Variants in RNF126 observed in about 807,000 individuals in gnomAD.
The protein encoded by RNF126 is E3 ubiquitin-protein ligase RNF126.
In RNF126, 20 loss-of-function variants were observed where a neutral mutation model predicts 41.9. The observed-to-expected ratio is 0.48, with a 90% confidence interval of 0.34 to 0.69. RNF126 has a LOEUF of 0.69. RNF126 is among the 30% of genes least tolerant of loss of function. The pLI, the probability that RNF126 is intolerant of heterozygous loss-of-function variation, is 0.01. For missense variants in RNF126, 433 were observed against 460.6 expected (o/e 0.94, Z 0.55); for synonymous variants, 239 against 202.9 (o/e 1.18, Z -1.51).
At position 663,129 on chromosome 19, in the gene RNF126, GCC is replaced by G; in HGVS notation, c.-10_-9del. On this transcript the variant is annotated 5_prime_UTR_variant, in exon 1 of 9. Coordinates refer to ENST00000292363, the MANE Select transcript of RNF126 (RefSeq NM_194460.3). ...CGGCGACGCCTCGGCCATGGCCGCC[GCC>G]ACCTACTCCGCGCCGCCCGCCCCCC... is the stretch of plus-strand genomic sequence containing the variant. The G allele has an allele frequency of 7.9e-7, 1 of 1,260,582 alleles. No individual in the cohort carries two copies. The highest frequency in any genetic ancestry group is 1.0e-6 in the Non-Finnish European group (1 of 995,626). The allele number at this position is 1,260,582 out of a possible 1,614,324, so 78.1% of individuals were successfully genotyped here.
chr19:651,620 G>A lies in RNF126; in HGVS notation c.434C>T (p.Thr145Met), dbSNP rs1003755092. ...RATGRHEGVP[T>M]LEGIIQQLVN... is the part of the protein sequence containing the mutation. ...CCCGGGGCCCCCTCACCCTTCCAGC[G>A]TGGGGACGCCTTCGTGCCGGCCGGT... Residue 145 changes from threonine to methionine, a missense_variant, in exon 4 of 9, where the codon ACG becomes ATG. Coordinates refer to ENST00000292363, the MANE Select transcript of RNF126 (RefSeq NM_194460.3). 8 of 1,441,616 alleles carry A rather than the reference G, an allele frequency of 5.5e-6. No individual in the cohort carries two copies. Among genetic ancestry groups the A allele is most frequent in the African/African-American group, 4.4e-5 (3 of 67,466 alleles). The allele number at this position is 1,441,616 out of a possible 1,614,324, so 89.3% of individuals were successfully genotyped here. A position where few individuals can be genotyped will look rare whatever the true frequency, so the allele number is the denominator to read the frequency against.
intron 1 of RNF126, among the ~76,000 whole-genome samples, chr19:653,418 G>C (rs2030417567): frequency 6.6e-6 from 1 of 152,248 alleles, no homozygotes; most frequent in Non-Finnish European, 1.5e-5. Context: ...TCCCAGAGGA[G>C]ACGTGAGGAC....
rs2144753677 is a variant in RNF126 at position 648,486 on chromosome 19, G to A, written c.672C>T (p.Gly224=). The change falls in exon 8 of 9, where the codon GGC becomes GGT. Residue 224 remains glycine, a splice_region_variant and synonymous_variant. Transcript: ENST00000292363. ...TGCACACAGGGCACTCGAGCCCGGA[G>A]CCTGCGGGAGTGTGCAGCTGCGGTC... The part of the protein sequence containing the change: ...PTVPVTEEHV[G]SGLECPVCKD... 1.3e-6 allele frequency: 2 copies of A among 1,567,106 alleles called. No homozygotes were observed. Among genetic ancestry groups the A allele is most frequent in the Admixed American group, 3.7e-5 (2 of 54,766 alleles).
chr19:651,729 C>G lies in RNF126; in HGVS notation c.325G>C (p.Glu109Gln). ...GGATGGTCTCTCTCCCGCCGGCTCTCAGGGTCCCTGCCGTCGTCAGCCTGC... is the reference window on the plus strand; with the variant it reads ...GGATGGTCTCTCTCCCGCCGGCTCTGAGGGTCCCTGCCGTCGTCAGCCTGC... The part of the protein sequence containing the change: ...GAQADDGRDP[E>Q]SRRERDHPSR... The change falls in exon 4 of 9, where the codon GAG becomes CAG. Residue 109 changes from glutamate to glutamine, a missense_variant. By Grantham distance (29) the Glu-to-Gln change is conservative. This residue lies in a region of RNF126 where 247 missense variants were observed against 224.7 expected (regional missense o/e 1.10). Coordinates refer to ENST00000292363, the MANE Select transcript of RNF126 (RefSeq NM_194460.3). 6.2e-7 allele frequency: 1 copy of G among 1,611,924 alleles called. No homozygotes were observed. Among genetic ancestry groups the G allele is most frequent in the Non-Finnish European group, 8.5e-7 (1 of 1,179,564 alleles).
chr19:648,036 C>T lies in RNF126; in HGVS notation c.*92G>A, dbSNP rs559702759. 54 of 1,387,044 alleles carry T rather than the reference C, an allele frequency of 3.9e-5. 1 individual carries two copies. The East Asian group carries it at 7.8e-4, about 20-fold the overall frequency. The allele number at this position is 1,387,044 out of a possible 1,614,324, so 85.9% of individuals were successfully genotyped here. On this transcript the variant is annotated 3_prime_UTR_variant, in exon 9 of 9. Transcript: ENST00000292363. ...TGCAGCGCTGACCAGCCAAGCGTGG[C>T]GCCGCCGGGGCACCCAGTCTGTGGG...
At chr19:657,232 A>C (rs1008817116) in intron 1 of RNF126, among the ~76,000 whole-genome samples, 4 of 152,206 alleles carry the variant, frequency 2.6e-5, no homozygotes, top group African/African-American at 7.2e-5. Flanking sequence ...GACAAGCACG[A>C]GGCCCTGCAC....
At chr19:652,742 G>T in intron 2 of RNF126, 84 bp downstream of exon 2, 1 of 1,306,668 alleles carries the variant, frequency 7.7e-7, no homozygotes, top group South Asian at 1.2e-5. Flanking sequence ...CACTCGGCGG[G>T]GCGGACGCCA....
chr19:654,881 C>T (rs572921390), intron 1 of RNF126, among the ~76,000 whole-genome samples: 13 of 151,252 alleles, frequency 8.6e-5, no homozygotes, highest in East Asian at 5.9e-4. Flanking sequence ...ACAGGAGAAT[C>T]GCTTGAACCT....
In RNF126 at chr19:652,745, G is replaced by A. The variant is rs183068476; in HGVS notation, c.134+81C>T. 809 of 1,343,992 alleles carry A rather than the reference G, an allele frequency of 6.0e-4. 8 individuals are homozygous for A. The East Asian group carries it at 9.4e-3, about 16-fold the overall frequency. 83.3% of individuals were successfully genotyped at this position (1,343,992 alleles called of 1,614,324 possible). On this transcript the variant is annotated intron_variant, in intron 2 of 8. Transcript: ENST00000292363. ...CTGACGGCCCCACACTCGGCGGGGCGGACGCCAGCACAGCCCACACCCCTA... is the reference window on the plus strand; with the variant it reads ...CTGACGGCCCCACACTCGGCGGGGCAGACGCCAGCACAGCCCACACCCCTA...
At chr19:652,197 G>A (rs763454778) in intron 3 of RNF126, 36 bp downstream of exon 3, 13 of 1,492,512 alleles carry the variant, frequency 8.7e-6, no homozygotes, top group African/African-American at 1.4e-5. Context: ...GAGCAAGGCT[G>A]ACACGATCGG....
chr19:647,872 C>T lies in RNF126; in HGVS notation c.*256G>A, dbSNP rs767192139. On this transcript the variant is annotated 3_prime_UTR_variant, in exon 9 of 9. Transcript: ENST00000292363. Reference sequence around the variant, plus strand: ...TTTAAAATTATAAAAATCTTTCCACCGCTGAACGTTTAGAGGGTGAGGTTA... The same window carrying T: ...TTTAAAATTATAAAAATCTTTCCACTGCTGAACGTTTAGAGGGTGAGGTTA... The T allele has an allele frequency of 1.7e-5, 11 of 647,770 alleles. No homozygotes were observed. The highest frequency in any genetic ancestry group is 1.6e-4 in the South Asian group (10 of 61,918). The allele number at this position is 647,770 out of a possible 1,614,324, so 40.1% of individuals were successfully genotyped here. A position where few individuals can be genotyped will look rare whatever the true frequency, so the allele number is the denominator to read the frequency against.
chr19:652,337 G>A (rs2030350457), intron 2 of RNF126, 41 bp from the exon 3 acceptor site: 3 of 1,488,960 alleles, frequency 2.0e-6, no homozygotes, highest in Non-Finnish European at 9.0e-7. Flanking sequence ...GCTACCCTGT[G>A]CCCCCATGCG....
At chr19:654,348 C>T (rs898250022) in intron 1 of RNF126, among the ~76,000 whole-genome samples, 3 of 152,200 alleles carry the variant, frequency 2.0e-5, no homozygotes, top group Admixed American at 6.5e-5. Flanking sequence ...ATTCTCGGCA[C>T]GCTCCGCCAT....
At chr19:660,030 G>A (rs532481185) in intron 1 of RNF126, among the ~76,000 whole-genome samples, 26 of 152,308 alleles carry the variant, frequency 1.7e-4, no homozygotes, top group South Asian at 4.1e-4. Flanking sequence ...CTCCCAAAGC[G>A]ATGGGACCAC....
At chr19:649,473 A>G (rs1324763318) in intron 6 of RNF126, 1 of 578,600 alleles carries the variant, frequency 1.7e-6, no homozygotes, top group African/African-American at 1.9e-5. Flanking sequence ...CCGCGTGAAC[A>G]CAGGAGAACC....
In RNF126 at chr19:661,921, C is replaced by T. The variant is rs191791161; in HGVS notation, c.75+1126G>A. On this transcript the variant is annotated intron_variant, in intron 1 of 8. Transcript: ENST00000292363. The stretch of plus-strand genomic sequence containing the variant: ...GACTGAGCCGGCTCTGCCACTTTCC[C>T]GCTGAGCCACCACGCGCCTCAGTTT... Among the ~76,000 whole-genome samples, 243 of 152,296 alleles carry T rather than the reference C, an allele frequency of 1.6e-3. 1 individual carries two copies. Among genetic ancestry groups the T allele is most frequent in the Non-Finnish European group, 3.1e-3 (208 of 68,020 alleles).
chr19:650,383 G>A, intron 4 of RNF126, 87 bp from the exon 5 acceptor site: 1 of 1,156,090 alleles, frequency 8.6e-7, no homozygotes, highest in South Asian at 1.4e-5. Flanking sequence ...TGAGCACCAA[G>A]GGCAGGGCCA....
Position 648,121 on chromosome 19 carries a change from C to T in RNF126, c.*7G>A, listed in dbSNP as rs774398964. On this transcript the variant is annotated 3_prime_UTR_variant, in exon 9 of 9. Transcript: ENST00000292363. Reference sequence around the variant, plus strand: ...GGCCCCGTGCTTTCCCGACGGCCGACGTGGGCTCACGAGTTGCTTGTGGCG... The same window carrying T: ...GGCCCCGTGCTTTCCCGACGGCCGATGTGGGCTCACGAGTTGCTTGTGGCG... The T allele has an allele frequency of 1.0e-5, 16 of 1,569,314 alleles. No individual in the cohort carries two copies. Among genetic ancestry groups the T allele is most frequent in the African/African-American group, 4.0e-5 (3 of 74,278 alleles).
At chr19:657,695 G>A (rs1295676319) in intron 1 of RNF126, among the ~76,000 whole-genome samples, 4 of 152,312 alleles carry the variant, frequency 2.6e-5, no homozygotes, top group African/African-American at 9.6e-5. Flanking sequence ...CAAGGGCTGC[G>A]ACCCAACTCC....
Sources: allele counts gnomAD v4.1 joint callset (sites outside exome capture counted in the v4.1 genomes callset), GRCh38; gene constraint gnomAD v4.1.1; regional missense constraint gnomAD v4.1.1; transcripts MANE v1.5; gene names NCBI Gene and HGNC (gene_info 2026-07-23, HGNC 2026-07-21).